STK32C: variants seen among roughly 807,000 people sequenced by gnomAD.
STK32C encodes serine/threonine kinase 32C.
Under a neutral mutation model 56.5 loss-of-function variants are expected in STK32C, and 31 were observed. That is an observed-to-expected ratio of 0.55 (90% CI 0.41 to 0.74). STK32C has a LOEUF of 0.74. STK32C is among the 30% of genes least tolerant of loss of function. The pLI is 0.00. For missense variants in STK32C, 544 were observed against 676.9 expected (o/e 0.80, Z 2.18); for synonymous variants, 309 against 289.4 (o/e 1.07, Z -0.69).
At chr10:132,314,862 C>T (rs761242923) in intron 1 of STK32C, among the ~76,000 whole-genome samples, 5 of 152,104 alleles carry the variant, frequency 3.3e-5, no homozygotes, top group African/African-American at 4.8e-5. Context: ...TTTGGCCAGG[C>T]GCAGTGGCTC....
intron 1 of STK32C, among the ~76,000 whole-genome samples, chr10:132,292,882 CGGTCCCTCCCT>C (rs1223959291): frequency 1.6e-4 from 24 of 152,118 alleles, no homozygotes; most frequent in African/African-American, 5.3e-4. Context: ...GACCCGCTGC[CGGTCCCTCCCT>C]GGTCCCTCCC....
chr10:132,310,135 G>C (rs1056453804), upstream of STK32C, among the ~76,000 whole-genome samples: 3 of 152,224 alleles, frequency 2.0e-5, no homozygotes, highest in Non-Finnish European at 4.4e-5. The surrounding 1 kb of genome is among the most constrained non-coding windows in gnomAD (Gnocchi z 4.6). Flanking sequence ...GAAGACAAGA[G>C]TGCAGGGGGG....
At chr10:132,234,248 G>A (rs775887865) in intron 2 of STK32C, among the ~76,000 whole-genome samples, 1 of 152,136 alleles carries the variant, frequency 6.6e-6, no homozygotes, top group Non-Finnish European at 1.5e-5. Context: ...CATGCTGCCC[G>A]AGCTTGACAG....
At chr10:132,225,684 C>G (rs2062862549) in intron 5 of STK32C, 63 bp downstream of exon 5, 1 of 1,611,494 alleles carries the variant, frequency 6.2e-7, no homozygotes, top group African/African-American at 1.3e-5. Flanking sequence ...CAGGATCCTC[C>G]TCCCCTGACA....
chr10:132,299,833 T>C (rs2065861948), intron 1 of STK32C, among the ~76,000 whole-genome samples: 1 of 152,168 alleles, frequency 6.6e-6, no homozygotes, highest in Non-Finnish European at 1.5e-5. Flanking sequence ...CCGAGCCCTG[T>C]TATTGGGCAC....
intron 2 of STK32C, among the ~76,000 whole-genome samples, chr10:132,240,120 G>A (rs1360326414): frequency 6.6e-6 from 1 of 151,962 alleles, no homozygotes; most frequent in East Asian, 1.9e-4. Context: ...GCAGAGCCTG[G>A]GCTACAGGCA....
intron 1 of STK32C, among the ~76,000 whole-genome samples, chr10:132,278,447 C>T (rs892453300): frequency 6.9e-6 from 1 of 143,928 alleles, no homozygotes; most frequent in Non-Finnish European, 1.5e-5. Context: ...GCATAGATAA[C>T]AATAAACACA....
Position 132,307,508 on chromosome 10 carries a change from G to A in STK32C, c.262+64C>T. The A allele has an allele frequency of 1.4e-6, 2 of 1,476,260 alleles. No homozygotes were observed. Among genetic ancestry groups the A allele is most frequent in the Non-Finnish European group, 1.8e-6 (2 of 1,110,334 alleles). The allele number at this position is 1,476,260 out of a possible 1,614,324, so 91.4% of individuals were successfully genotyped here. A position where few individuals can be genotyped will look rare whatever the true frequency, so the allele number is the denominator to read the frequency against. ...GGGGGAACCCCTGCGGGAAAAAGCC[G>A]CCCAGCCGCGCCCGCCCCTGCAATA... On this transcript the variant is annotated intron_variant, in intron 1 of 11. Coordinates refer to ENST00000298630, the MANE Select transcript of STK32C (RefSeq NM_173575.4). The surrounding 1 kb of genome is among the most constrained non-coding windows in gnomAD (Gnocchi z 4.4).
chr10:132,316,360 C>T (rs1318384988), intron 1 of STK32C, among the ~76,000 whole-genome samples: 1 of 151,986 alleles, frequency 6.6e-6, no homozygotes, highest in Non-Finnish European at 1.5e-5. Flanking sequence ...TACTTGTCAC[C>T]CGAGCACTTT....
At chr10:132,219,578 C>A (rs186362122) in intron 10 of STK32C, among the ~76,000 whole-genome samples, 2 of 152,196 alleles carry the variant, frequency 1.3e-5, no homozygotes, top group Non-Finnish European at 2.9e-5. Flanking sequence ...TGCCAAAGAA[C>A]CCCCAACCCC....
At chr10:132,286,209 GAC>G in intron 1 of STK32C, among the ~76,000 whole-genome samples, 1 of 151,492 alleles carries the variant, frequency 6.6e-6, no homozygotes, top group East Asian at 1.9e-4. Context: ...TTCCTTGAAA[GAC>G]ACAAATTATC....
At chr10:132,226,569 G>A (rs1213186274) in intron 4 of STK32C, among the ~76,000 whole-genome samples, 1 of 152,216 alleles carries the variant, frequency 6.6e-6, no homozygotes, top group Non-Finnish European at 1.5e-5. Context: ...AGTCTCAGCT[G>A]GGGCTGCTGG....
intron 10 of STK32C, among the ~76,000 whole-genome samples, chr10:132,210,798 ACCCCGAGGCAGTGCCCT>A (rs994353226): frequency 6.6e-6 from 1 of 152,112 alleles, no homozygotes; most frequent in Non-Finnish European, 1.5e-5. Context: ...CACGTTCCCC[ACCCCGAGGCAGTGCCCT>A]CCGTGTCTCT....
Position 132,223,078 on chromosome 10 carries a change from G to C in STK32C, c.994-92C>G, listed in dbSNP as rs2062741687. Reference sequence around the variant, plus strand: ...CCCAGGCCAGGGCACCTTGAGGAGGGTCCCACCAAGCCTGAGGTTCAGAAT... The same window carrying C: ...CCCAGGCCAGGGCACCTTGAGGAGGCTCCCACCAAGCCTGAGGTTCAGAAT... On this transcript the variant is annotated intron_variant, in intron 8 of 11. Coordinates refer to ENST00000298630, the MANE Select transcript of STK32C (RefSeq NM_173575.4). 3 of 1,468,268 alleles carry C rather than the reference G, an allele frequency of 2.0e-6. No homozygotes were observed. The East Asian group carries it at 7.5e-5, about 37-fold the overall frequency. The allele number at this position is 1,468,268 out of a possible 1,614,324, so 91.0% of individuals were successfully genotyped here. A position where few individuals can be genotyped will look rare whatever the true frequency, so the allele number is the denominator to read the frequency against.
At chr10:132,262,246 G>A (rs2064327415) in intron 1 of STK32C, among the ~76,000 whole-genome samples, 2 of 152,186 alleles carry the variant, frequency 1.3e-5, no homozygotes, top group Admixed American at 6.5e-5. Flanking sequence ...GCCACATGAG[G>A]AAGAATGAAG....
chr10:132,303,431 G>A (rs1033611638), intron 1 of STK32C, among the ~76,000 whole-genome samples: 1 of 152,230 alleles, frequency 6.6e-6, no homozygotes, highest in Non-Finnish European at 1.5e-5. Flanking sequence ...GGCAGATGAT[G>A]AATCTGACCA....
intron 1 of STK32C, among the ~76,000 whole-genome samples, chr10:132,260,849 G>A (rs778847590): frequency 3.9e-5 from 6 of 152,228 alleles, no homozygotes; most frequent in African/African-American, 1.2e-4. Flanking sequence ...GCCCCTGGAC[G>A]TGCCAAGGCC....
At chr10:132,226,336 A>G (rs2062887768) in intron 4 of STK32C, among the ~76,000 whole-genome samples, 7 of 152,102 alleles carry the variant, frequency 4.6e-5, no homozygotes. Context: ...TTCCTTCATA[A>G]TCTGCTTCCT....
chr10:132,315,420 C>G (rs1485135112), intron 1 of STK32C, among the ~76,000 whole-genome samples: 1 of 152,118 alleles, frequency 6.6e-6, no homozygotes, highest in Non-Finnish European at 1.5e-5. Flanking sequence ...ACCAGCATGG[C>G]ACATGTATAG....
Sources: gnomAD v4.1 joint callset for allele counts (sites outside exome capture counted in the v4.1 genomes callset) on GRCh38, gnomAD v4.1.1 for gene constraint, Gnocchi (gnomAD v3.1) non-coding constraint, MANE v1.5 for transcripts, NCBI Gene and HGNC (gene_info 2026-07-23, HGNC 2026-07-21) for gene names.